FRS2: variants seen among roughly 807,000 people sequenced by gnomAD.
The protein encoded by FRS2 is fibroblast growth factor receptor substrate 2.
Under a neutral mutation model 43.9 loss-of-function variants are expected in FRS2, and 8 were observed. The ratio of observed to expected loss-of-function variants is 0.18; its 90% CI spans 0.11 to 0.33. The LOEUF is 0.33. Among genes scored for constraint, FRS2 ranks in the 10% least tolerant of loss-of-function variants. FRS2 has a pLI of 1.00. For missense variants in FRS2, 534 were observed against 627.6 expected, an observed-to-expected ratio of 0.85 and a Z score of 1.59; for synonymous variants, 219 against 220.3, an observed-to-expected ratio of 0.99 and a Z score of 0.05.
chr12:69,470,597 C>T lies in FRS2; in HGVS notation c.-261+67C>T, dbSNP rs916301948. ...CGTCGGAGCTGGCGTTCTCGTGCCC[C>T]CGCTGCCCGCTTCGGGATCCGGGCT... On this transcript the variant is annotated intron_variant, in intron 1 of 8. Coordinates refer to ENST00000549921, the MANE Select transcript of FRS2 (RefSeq NM_001278356.2). The T allele has an allele frequency of 1.3e-5, 5 of 397,544 alleles. No homozygotes were observed. In the Admixed American group the frequency reaches 1.8e-4, roughly 14 times the overall value. The allele number at this position is 397,544 out of a possible 1,614,324, so 24.6% of individuals were successfully genotyped here.
intron 3 of FRS2, among the ~76,000 whole-genome samples, chr12:69,557,623 C>CGCGCGCGT (rs1555192562): frequency 1.0e-5 from 1 of 99,354 alleles, no homozygotes; most frequent in African/African-American, 5.4e-5. Flanking sequence ...TGTGTGTGCG[C>CGCGCGCGT]GCGCGCGCGC....
Position 69,564,922 on chromosome 12 carries a change from TGAACTC to T in FRS2, c.-27+2649_-27+2654del, listed in dbSNP as rs1880161597. ...GGCATTTCATTAATTATTGTTGTATTGAACTCAAACATTCAGTGTGGATAGAGTCCC... is the reference window on the plus strand; with the variant it reads ...GGCATTTCATTAATTATTGTTGTATTAAACATTCAGTGTGGATAGAGTCCC... On this transcript the variant is annotated intron_variant, in intron 4 of 8. Coordinates refer to ENST00000549921, the MANE Select transcript of FRS2 (RefSeq NM_001278356.2). Among the ~76,000 whole-genome samples the T allele has an allele frequency of 3.3e-5, 5 of 152,342 alleles. No individual in the cohort carries two copies. In the South Asian group the frequency reaches 1.0e-3, roughly 32 times the overall value.
intron 1 of FRS2, among the ~76,000 whole-genome samples, chr12:69,475,053 C>G (rs908475902): frequency 9.2e-5 from 14 of 152,048 alleles, no homozygotes; most frequent in African/African-American, 3.1e-4. Flanking sequence ...ATGAAAGTTA[C>G]ATATTTTATT....
chr12:69,533,289 A>T (rs1876975713), intron 3 of FRS2, among the ~76,000 whole-genome samples: 1 of 152,208 alleles, frequency 6.6e-6, no homozygotes, highest in South Asian at 2.1e-4. Context: ...CACCTCTGTT[A>T]TATAGAAAAG....
chr12:69,488,957 T>G (rs1440313359), intron 1 of FRS2, among the ~76,000 whole-genome samples: 1 of 152,160 alleles, frequency 6.6e-6, no homozygotes, highest in African/African-American at 2.4e-5. Context: ...GGGAGTGATT[T>G]ATGGAGGGAT....
At chr12:69,471,834 G>C (rs1870326456) in intron 1 of FRS2, among the ~76,000 whole-genome samples, 1 of 152,214 alleles carries the variant, frequency 6.6e-6, no homozygotes, top group African/African-American at 2.4e-5. Context: ...CTTGTGTGTA[G>C]ATTAGGGTTT....
At chr12:69,524,250 A>G (rs1467731008) in intron 1 of FRS2, among the ~76,000 whole-genome samples, 2 of 151,992 alleles carry the variant, frequency 1.3e-5, no homozygotes, top group African/African-American at 4.8e-5. Flanking sequence ...ACGGGGGTGC[A>G]CTCACGGCAG....
Position 69,570,524 on chromosome 12 carries a change from C to T in FRS2, c.253+7C>T. The T allele has an allele frequency of 1.3e-6, 2 of 1,566,574 alleles. No individual in the cohort carries two copies. Among genetic ancestry groups the T allele is most frequent in the Non-Finnish European group, 1.8e-6 (2 of 1,140,340 alleles). ...AGGTGTCAAACTGGACAAGGTAGAA[C>T]CTTTGTTTTTTTTCCCAAATATTGT... On this transcript the variant is annotated splice_region_variant and intron_variant, in intron 6 of 8. Coordinates refer to ENST00000549921, the MANE Select transcript of FRS2 (RefSeq NM_001278356.2).
Position 69,574,601 on chromosome 12 carries a change from C to T in FRS2, c.1173C>T (p.Asn391=), listed in dbSNP as rs1401390429. The T allele has an allele frequency of 1.9e-6, 3 of 1,613,920 alleles. No homozygotes were observed. The highest frequency in any genetic ancestry group is 3.3e-5 in the Admixed American group (2 of 60,026). ...ATAATAATCTAGATCCAATGCATAA[C>T]TATGTAAATACAGAGAATGTAACAG... ...GYHNNLDPMH[N]YVNTENVTVP... Residue 391 remains asparagine, a synonymous_variant, in exon 9 of 9, where the codon AAC becomes AAT. Coordinates refer to ENST00000549921, the MANE Select transcript of FRS2 (RefSeq NM_001278356.2).
chr12:69,545,246 A>C (rs1170641657), intron 3 of FRS2, among the ~76,000 whole-genome samples: 2 of 152,200 alleles, frequency 1.3e-5, no homozygotes, highest in African/African-American at 2.4e-5. Context: ...TCCTATCAAA[A>C]CCACAATGAT....
chr12:69,472,203 C>G (rs984636505), intron 1 of FRS2, among the ~76,000 whole-genome samples: 1 of 151,936 alleles, frequency 6.6e-6, no homozygotes, highest in Non-Finnish European at 1.5e-5. Context: ...CCTTCTGTCT[C>G]AGACTCCTGA....
At chr12:69,513,356 A>G (rs950617998) in intron 1 of FRS2, among the ~76,000 whole-genome samples, 1 of 152,100 alleles carries the variant, frequency 6.6e-6, no homozygotes, top group Non-Finnish European at 1.5e-5. Context: ...TCATTAAAAC[A>G]TAGTTTCAAC....
At chr12:69,513,473 A>G (rs1874670578) in intron 1 of FRS2, among the ~76,000 whole-genome samples, 1 of 152,150 alleles carries the variant, frequency 6.6e-6, no homozygotes, top group African/African-American at 2.4e-5. Context: ...AAATTAACAG[A>G]TTTGAGCTGT....
intron 1 of FRS2, among the ~76,000 whole-genome samples, chr12:69,508,024 CAAAAAAAAAAA>C (rs11365179): frequency 8.2e-4 from 39 of 47,588 alleles, no homozygotes; most frequent in African/African-American, 2.7e-3. Context: ...AACCCCGTCT[CAAAAAAAAAAA>C]AAAAAAAAAA....
At chr12:69,559,748 G>A (rs1879723899) in intron 3 of FRS2, among the ~76,000 whole-genome samples, 1 of 150,678 alleles carries the variant, frequency 6.6e-6, no homozygotes. Context: ...AGAATTAACA[G>A]GAAATTAATG....
At chr12:69,494,310 T>C (rs1161189541) in intron 1 of FRS2, among the ~76,000 whole-genome samples, 1 of 152,238 alleles carries the variant, frequency 6.6e-6, no homozygotes, top group African/African-American at 2.4e-5. Flanking sequence ...GAGATTTTAC[T>C]CTGAAGAATG....
rs73140568 is a variant in FRS2 at position 69,502,883 on chromosome 12, T to G, written c.-260-27982T>G. Among the ~76,000 whole-genome samples, 1,017 of 152,280 alleles carry G rather than the reference T, an allele frequency of 6.7e-3. 6 individuals carry two copies. The highest frequency in any genetic ancestry group is 0.011 in the Non-Finnish European group (753 of 68,022). ...ACCTACTCTAGCAGCAGCAGCAGCA[T>G]CAGCATCAGCAGCAGCTGCCGCCTA... On this transcript the variant is annotated intron_variant, in intron 1 of 8. Transcript: ENST00000549921.
rs901536124 is a variant in FRS2, at chr12:69,472,040, T to C, written c.-261+1510T>C. 2.0e-5 allele frequency among the ~76,000 whole-genome samples: 3 copies of C among 152,106 alleles called. No individual in the cohort carries two copies. The South Asian group carries it at 6.2e-4, about 32-fold the overall frequency. ...TGATTTTTAAAGTCCTTGGAAAAAA[T>C]TGTGGAGAGATTAGCTGCACAACTT... On this transcript the variant is annotated intron_variant, in intron 1 of 8. Coordinates refer to ENST00000549921, the MANE Select transcript of FRS2 (RefSeq NM_001278356.2).
At position 69,575,535 on chromosome 12, in the gene FRS2, C is replaced by G. The variant is rs1385236256; in HGVS notation, c.*580C>G. 1 of 152,920 alleles carries G rather than the reference C, an allele frequency of 6.5e-6. No homozygotes were observed. The highest frequency in any genetic ancestry group is 1.9e-4 in the East Asian group (1 of 5,184). The allele number at this position is 152,920 out of a possible 1,614,324, so 9.5% of individuals were successfully genotyped here. On this transcript the variant is annotated 3_prime_UTR_variant, in exon 9 of 9. Transcript: ENST00000549921. ...GCCTTCAGTGTTACTAGAAAGCGGC[C>G]TGTGTCCATGAGTGTGCTTTGCTGT...
Sources: gnomAD v4.1 joint callset for allele counts (sites outside exome capture counted in the v4.1 genomes callset) on GRCh38, gnomAD v4.1.1 for gene constraint, MANE v1.5 for transcripts, NCBI Gene and HGNC (gene_info 2026-07-23, HGNC 2026-07-21) for gene names.